The following RAPGEF5 variants were observed in gnomAD, a reference collection of about 807,000 sequenced individuals.
RAPGEF5 encodes M-Ras-regulated GEF.
In RAPGEF5, 65 loss-of-function variants were observed where a neutral mutation model predicts 125.2. The ratio of observed to expected loss-of-function variants is 0.52; its 90% CI spans 0.43 to 0.64. The LOEUF is 0.64. Ranked by LOEUF, RAPGEF5 falls within the 30% of genes least tolerant of loss-of-function variation. The pLI is 0.00. For synonymous variants in RAPGEF5, 391 were observed against 385.9 expected, an observed-to-expected ratio of 1.01 and a Z score of -0.16; for missense variants, 958 against 1,048.1, an observed-to-expected ratio of 0.91 and a Z score of 1.19.
chr7:22,222,650 T>C (rs147337712), intron 8 of RAPGEF5, among the ~76,000 whole-genome samples: 108 of 152,304 alleles, frequency 7.1e-4, no homozygotes, highest in African/African-American at 2.5e-3. Context: ...AATTTCCTTA[T>C]AGGCTGTATA....
At chr7:22,340,733 T>C (rs569371657) in intron 1 of RAPGEF5, among the ~76,000 whole-genome samples, 1 of 152,326 alleles carries the variant, frequency 6.6e-6, no homozygotes, top group Non-Finnish European at 1.5e-5. Flanking sequence ...CTCTTCCCTC[T>C]GGTCCGTTCC....
intron 5 of RAPGEF5, among the ~76,000 whole-genome samples, chr7:22,306,505 C>T (rs1001520429): frequency 6.6e-6 from 1 of 152,228 alleles, no homozygotes; most frequent in African/African-American, 2.4e-5. Context: ...TATTTTCTCC[C>T]ATTCTGTGGG....
chr7:22,315,319 T>C (rs568385657), intron 3 of RAPGEF5, 51 bp downstream of exon 3: 27 of 1,511,296 alleles, frequency 1.8e-5, no homozygotes, highest in Non-Finnish European at 2.0e-5. Flanking sequence ...CACAGGGTGG[T>C]TTTTTTTCCT....
chr7:22,257,249 C>A (rs1786784963), intron 7 of RAPGEF5, among the ~76,000 whole-genome samples: 1 of 152,086 alleles, frequency 6.6e-6, no homozygotes, highest in Non-Finnish European at 1.5e-5. Context: ...TGTATATTAG[C>A]TTATTTTTCT....
rs931375627 is a variant in RAPGEF5, at chr7:22,136,955, A to G, written c.2306T>C (p.Phe769Ser). The G allele has an allele frequency of 1.3e-6, 2 of 1,587,698 alleles. No homozygotes were observed. The highest frequency in any genetic ancestry group is 2.7e-5 in the African/African-American group (2 of 74,468). Residue 769 changes from phenylalanine to serine, a missense_variant, in exon 22 of 26, where the codon TTC (phenylalanine) becomes TCC (serine). Coordinates refer to ENST00000665637, the MANE Select transcript of RAPGEF5 (RefSeq NM_012294.5). ...TACTGTTAAACTTTCAAGTTCAGAG[A>G]AAAGTTTCTTAAACTTCCCAGGGAT... ...EKIPGKFKKL[F>S]SELESLTDPS...
At chr7:22,232,478 C>A (rs1296401584) in intron 7 of RAPGEF5, among the ~76,000 whole-genome samples, 1 of 151,980 alleles carries the variant, frequency 6.6e-6, no homozygotes, top group East Asian at 1.9e-4. Flanking sequence ...CACTACCATG[C>A]CCAGATAATT....
At position 22,119,042 on chromosome 7, in the gene RAPGEF5, G is replaced by GC. The variant is rs779116503; in HGVS notation, c.*3363dup. Reference sequence around the variant, plus strand: ...CGATCGTCCCCATTTTAATGTTTTTGCCCAGTTTCTGAAAAGCCTGGATTG... The same window carrying GC: ...CGATCGTCCCCATTTTAATGTTTTTGCCCCAGTTTCTGAAAAGCCTGGATTG... On this transcript the variant is annotated 3_prime_UTR_variant, in exon 26 of 26. Transcript: ENST00000665637. This position sits in a 1 kb window ranked among gnomAD's most constrained non-coding sequence, Gnocchi z 4.1. 3 of 152,164 alleles carry GC rather than the reference G, an allele frequency of 2.0e-5. No homozygotes were observed. The highest frequency in any genetic ancestry group is 2.9e-5 in the Non-Finnish European group (2 of 68,038). The allele number at this position is 152,164 out of a possible 1,614,324, so 9.4% of individuals were successfully genotyped here.
chr7:22,218,103 C>T (rs1785684836), intron 9 of RAPGEF5, among the ~76,000 whole-genome samples: 1 of 152,112 alleles, frequency 6.6e-6, no homozygotes, highest in Non-Finnish European at 1.5e-5. Flanking sequence ...TCTCCTAATG[C>T]TATCCCTACC....
intron 6 of RAPGEF5, among the ~76,000 whole-genome samples, chr7:22,287,869 C>T (rs1022932293): frequency 6.6e-6 from 1 of 152,154 alleles, no homozygotes; most frequent in African/African-American, 2.4e-5. Flanking sequence ...CTAGTCCAAC[C>T]ACTCATCTTG....
chr7:22,331,742 C>A (rs1201987832), intron 1 of RAPGEF5, among the ~76,000 whole-genome samples: 2 of 88,848 alleles, frequency 2.3e-5, no homozygotes, highest in Admixed American at 1.3e-4. Context: ...GAGACTCCAT[C>A]TCAAAAAAAA....
At chr7:22,190,382 G>T (rs1396886112) in intron 11 of RAPGEF5, among the ~76,000 whole-genome samples, 1 of 152,188 alleles carries the variant, frequency 6.6e-6, no homozygotes, top group Non-Finnish European at 1.5e-5. Context: ...GTACTTGAGG[G>T]ATTATGAAAA....
intron 1 of RAPGEF5, among the ~76,000 whole-genome samples, chr7:22,334,660 G>T (rs1235811169): frequency 6.6e-6 from 1 of 152,150 alleles, no homozygotes; most frequent in African/African-American, 2.4e-5. Context: ...ACCAACCACT[G>T]ATCTACTGCT....
At chr7:22,191,730 A>C in intron 11 of RAPGEF5, 1 of 462,536 alleles carries the variant, frequency 2.2e-6, no homozygotes, top group South Asian at 1.6e-5. Flanking sequence ...TAGCAACAAT[A>C]ATAAGGGTGA....
Position 22,343,267 on chromosome 7 carries a change from G to A in RAPGEF5, c.231+13563C>T, listed in dbSNP as rs189690966. 9.9e-5 allele frequency among the ~76,000 whole-genome samples: 15 copies of A among 152,166 alleles called. No individual in the cohort carries two copies. In the East Asian group the frequency reaches 2.7e-3, roughly 27 times the overall value. ...CAGCACAGGAAAGATCTGCCCCCAT[G>A]ATTCGGTTACCTCCCACCGGGTTCC... is the stretch of plus-strand genomic sequence containing the variant. On this transcript the variant is annotated intron_variant, in intron 1 of 25. Transcript: ENST00000665637.
chr7:22,328,746 C>T (rs1248192751), intron 1 of RAPGEF5, among the ~76,000 whole-genome samples: 1 of 152,182 alleles, frequency 6.6e-6, no homozygotes, highest in Non-Finnish European at 1.5e-5. Context: ...TCTCTACTGG[C>T]CTCCCACCAA....
intron 1 of RAPGEF5, among the ~76,000 whole-genome samples, chr7:22,329,338 A>T (rs1040385429): frequency 3.9e-5 from 6 of 152,206 alleles, no homozygotes; most frequent in African/African-American, 1.2e-4. Flanking sequence ...TAAAGTTAAT[A>T]AAGTGTCCTC....
intron 23 of RAPGEF5, among the ~76,000 whole-genome samples, chr7:22,132,956 C>G (rs1468720228): frequency 3.3e-5 from 5 of 152,208 alleles, no homozygotes; most frequent in Non-Finnish European, 7.3e-5. Context: ...CTGGCTCCCC[C>G]TCACCACTGC....
chr7:22,200,432 C>G (rs1291989814), intron 9 of RAPGEF5, among the ~76,000 whole-genome samples: 1 of 152,188 alleles, frequency 6.6e-6, no homozygotes, highest in Non-Finnish European at 1.5e-5. Context: ...CACAAAGGAG[C>G]TGGCCTAACA....
intron 9 of RAPGEF5, among the ~76,000 whole-genome samples, chr7:22,209,536 T>G (rs1214940288): frequency 2.6e-5 from 4 of 152,184 alleles, no homozygotes; most frequent in Non-Finnish European, 5.9e-5. Context: ...ATTTTTAGAG[T>G]TATACCTGAG....
Sources: gnomAD v4.1 joint callset for allele counts (sites outside exome capture counted in the v4.1 genomes callset) on GRCh38, gnomAD v4.1.1 for gene constraint, Gnocchi (gnomAD v3.1) non-coding constraint, MANE v1.5 for transcripts, NCBI Gene and HGNC (gene_info 2026-07-23, HGNC 2026-07-21) for gene names.